The following DOK6 variants were observed in gnomAD, a reference collection of about 807,000 sequenced individuals.
DOK6 encodes the protein docking protein 6.
In DOK6, 22 loss-of-function variants were observed where a neutral mutation model predicts 44.0. That is an observed-to-expected ratio of 0.50 (90% CI 0.36 to 0.71). The LOEUF (loss-of-function observed/expected upper bound fraction) is 0.71, where lower values mean the gene tolerates loss of function less well. Ranked by LOEUF, DOK6 falls within the 30% of genes least tolerant of loss-of-function variation. DOK6 has a pLI of 0.00. For synonymous variants in DOK6, 166 were observed against 145.5 expected (o/e 1.14, Z -1.01); for missense variants, 340 against 416.4 (o/e 0.82, Z 1.60).
At chr18:69,713,005 C>G (rs1986803266) in intron 5 of DOK6, among the ~76,000 whole-genome samples, 1 of 152,146 alleles carries the variant, frequency 6.6e-6, no homozygotes, top group Non-Finnish European at 1.5e-5. Context: ...CTTGAAATTA[C>G]AGCTACAATT....
At chr18:69,415,885 G>A in intron 1 of DOK6, among the ~76,000 whole-genome samples, 1 of 152,016 alleles carries the variant, frequency 6.6e-6, no homozygotes, top group Non-Finnish European at 1.5e-5. Flanking sequence ...AGAATTTTAA[G>A]GGATTTTAGG....
intron 7 of DOK6, among the ~76,000 whole-genome samples, chr18:69,806,595 T>C (rs1981057109): frequency 6.6e-6 from 1 of 151,896 alleles, no homozygotes; most frequent in Non-Finnish European, 1.5e-5. Flanking sequence ...AACTAGATGG[T>C]CCATAAATGC....
intron 2 of DOK6, among the ~76,000 whole-genome samples, chr18:69,593,714 A>T (rs529495483): frequency 7.0e-4 from 107 of 152,276 alleles, no homozygotes; most frequent in Middle Eastern, 3.4e-3. Context: ...TTTTTATTAT[A>T]AGAGGACAAA....
chr18:69,763,219 G>C (rs369074314), intron 7 of DOK6, among the ~76,000 whole-genome samples: 1 of 152,214 alleles, frequency 6.6e-6, no homozygotes, highest in Non-Finnish European at 1.5e-5. Flanking sequence ...ATCTCTGTCC[G>C]TAAGTGGTTT....
chr18:69,779,809 G>A (rs1455581913), intron 7 of DOK6, among the ~76,000 whole-genome samples: 2 of 151,540 alleles, frequency 1.3e-5, no homozygotes, highest in Admixed American at 6.6e-5. Context: ...TGGTCTTCTT[G>A]ACAGAAGATA....
At chr18:69,655,814 T>C (rs1482804290) in intron 3 of DOK6, among the ~76,000 whole-genome samples, 1 of 78,914 alleles carries the variant, frequency 1.3e-5, no homozygotes, top group Non-Finnish European at 2.8e-5. Flanking sequence ...TATGAAGATA[T>C]AAAAACCTTA....
chr18:69,707,294 C>T (rs1291485417), intron 5 of DOK6, among the ~76,000 whole-genome samples: 1 of 152,218 alleles, frequency 6.6e-6, no homozygotes, highest in African/African-American at 2.4e-5. Context: ...CCATCCCCAT[C>T]AAGCTACCAA....
chr18:69,514,108 A>G (rs1981450168), intron 1 of DOK6, among the ~76,000 whole-genome samples: 1 of 152,098 alleles, frequency 6.6e-6, no homozygotes, highest in Non-Finnish European at 1.5e-5. Flanking sequence ...TTTTCTCTTG[A>G]AATTTTCTTG....
At chr18:69,694,013 C>T (rs971969628) in intron 4 of DOK6, among the ~76,000 whole-genome samples, 1 of 138,130 alleles carries the variant, frequency 7.2e-6, no homozygotes, top group African/African-American at 2.8e-5. Flanking sequence ...GAGCCGAGAT[C>T]CCGCCACCGC....
At chr18:69,519,839 A>T (rs942056849) in intron 1 of DOK6, among the ~76,000 whole-genome samples, 1 of 151,922 alleles carries the variant, frequency 6.6e-6, no homozygotes, top group African/African-American at 2.4e-5. Flanking sequence ...ATTAATACTC[A>T]TAACTGTATT....
At chr18:69,463,724 TATATGC>T (rs1479488377) in intron 1 of DOK6, among the ~76,000 whole-genome samples, 4 of 152,016 alleles carry the variant, frequency 2.6e-5, no homozygotes, top group African/African-American at 9.7e-5. Flanking sequence ...TATGTGTATG[TATATGC>T]ATATGTATGT....
At chr18:69,519,063 G>A (rs186879668) in intron 1 of DOK6, among the ~76,000 whole-genome samples, 2 of 152,094 alleles carry the variant, frequency 1.3e-5, no homozygotes, top group African/African-American at 4.8e-5. Flanking sequence ...GCATATTGTA[G>A]TTGGCTTTCA....
intron 1 of DOK6, among the ~76,000 whole-genome samples, chr18:69,434,179 C>CAG (rs746131117): frequency 2.1e-4 from 32 of 152,260 alleles, no homozygotes; most frequent in Admixed American, 7.9e-4. Context: ...GGCTGACAGT[C>CAG]AGAGTGATGT....
At chr18:69,459,187 T>TTG (rs71176967) in intron 1 of DOK6, among the ~76,000 whole-genome samples, 4,028 of 136,908 alleles carry the variant, frequency 0.029, 148 homozygotes, top group African/African-American at 0.093. Flanking sequence ...AAAAAATATT[T>TTG]TGTGTGTGTG....
intron 5 of DOK6, among the ~76,000 whole-genome samples, chr18:69,710,806 A>G (rs4527124): frequency 0.66 from 99,830 of 152,058 alleles, 33,357 homozygotes; most frequent in East Asian, 0.89. Context: ...AAAATTGGGT[A>G]TTTTTTGTTT....
chr18:69,825,636 C>T (rs571681666), intron 7 of DOK6, among the ~76,000 whole-genome samples: 2 of 151,606 alleles, frequency 1.3e-5, no homozygotes, highest in African/African-American at 4.8e-5. Context: ...GGGGTTTCAC[C>T]GTGTTAGCCA....
intron 1 of DOK6, among the ~76,000 whole-genome samples, chr18:69,406,190 A>G (rs1235491308): frequency 2.6e-5 from 4 of 152,226 alleles, no homozygotes; most frequent in Non-Finnish European, 5.9e-5. Context: ...AGAATTTTCC[A>G]GTAAGCAAAG....
At chr18:69,544,332 G>A (rs1397961747) in intron 1 of DOK6, among the ~76,000 whole-genome samples, 2 of 151,514 alleles carry the variant, frequency 1.3e-5, no homozygotes, top group African/African-American at 2.4e-5. Context: ...TTATCCATGC[G>A]TTAGTGATGC....
At chr18:69,426,635 T>C (rs1308379360) in intron 1 of DOK6, among the ~76,000 whole-genome samples, 8 of 152,182 alleles carry the variant, frequency 5.3e-5, no homozygotes. Context: ...CAAAGTTAGA[T>C]ATTCAATCAA....
Sources: gnomAD v4.1 joint callset for allele counts (sites outside exome capture counted in the v4.1 genomes callset) on GRCh38, gnomAD v4.1.1 for gene constraint, MANE v1.5 for transcripts, NCBI Gene and HGNC (gene_info 2026-07-23, HGNC 2026-07-21) for gene names.